Variants in SOS1 observed in about 807,000 individuals in gnomAD.
SOS1 encodes SOS Ras/Rac guanine nucleotide exchange factor 1.
Under a neutral mutation model 157.6 loss-of-function variants are expected in SOS1, and 25 were observed. The ratio of observed to expected loss-of-function variants is 0.16; its 90% confidence interval spans 0.12 to 0.22. SOS1 has a LOEUF of 0.22. SOS1 is among the 10% of genes least tolerant of loss of function. The pLI, the probability that SOS1 is intolerant of heterozygous loss-of-function variation, is 1.00. For synonymous variants in SOS1, 528 were observed against 534.0 expected (o/e 0.99, Z 0.16); for missense variants, 1,237 against 1,599.1 (o/e 0.77, Z 3.86).
chr2:39,093,426 T>C (rs2148191502), intron 1 of SOS1, among the ~76,000 whole-genome samples: 1 of 151,350 alleles, frequency 6.6e-6, no homozygotes, highest in Admixed American at 6.6e-5. Flanking sequence ...CATAAGAGGG[T>C]CAGAGTCCGA....
chr2:39,029,158 T>C (rs1209151308), intron 8 of SOS1, among the ~76,000 whole-genome samples: 1 of 152,212 alleles, frequency 6.6e-6, no homozygotes, highest in African/African-American at 2.4e-5. Flanking sequence ...GTGGAGAAGA[T>C]GAAATTCTTA....
intron 1 of SOS1, among the ~76,000 whole-genome samples, chr2:39,070,883 G>A (rs1671770573): frequency 6.6e-6 from 1 of 152,136 alleles, no homozygotes; most frequent in Non-Finnish European, 1.5e-5. Flanking sequence ...GTTTATTTGA[G>A]ATGGAGTCTC....
intron 2 of SOS1, among the ~76,000 whole-genome samples, chr2:39,063,363 T>C (rs1183666400): frequency 6.6e-6 from 1 of 152,182 alleles, no homozygotes; most frequent in African/African-American, 2.4e-5. Context: ...TCATTAGTTA[T>C]ATGCAAATAC....
chr2:38,986,036 G>T lies in SOS1; in HGVS notation c.3790C>A (p.Pro1264Thr). 1.2e-6 allele frequency: 2 copies of T among 1,613,998 alleles called. No individual in the cohort carries two copies. Among genetic ancestry groups the T allele is most frequent in the Non-Finnish European group, 1.7e-6 (2 of 1,179,914 alleles). ...SPFTPPPPQTPSPHGTRRHLP... is the reference protein window; with the variant it reads ...SPFTPPPPQTTSPHGTRRHLP... ...TGCCTTCTTGTGCCGTGAGGAGAAG[G>T]TGTTTGAGGAGGAGGTGGTGTAAAG... is the stretch of plus-strand genomic sequence containing the variant. The change falls in exon 23 of 23, where the codon CCT becomes ACT. Residue 1264 changes from proline (P) to threonine (T), a missense_variant. Pro to Thr is a conservative substitution (Grantham distance 38, BLOSUM62 -1). Coordinates refer to ENST00000402219, the MANE Select transcript of SOS1 (RefSeq NM_005633.4).
At chr2:39,041,592 C>A (rs1275077210) in intron 6 of SOS1, among the ~76,000 whole-genome samples, 1 of 152,148 alleles carries the variant, frequency 6.6e-6, no homozygotes, top group African/African-American at 2.4e-5. Context: ...ATCTAAGCAT[C>A]CTTTGCCAAA....
intron 5 of SOS1, among the ~76,000 whole-genome samples, chr2:39,052,379 T>C (rs940512850): frequency 6.6e-6 from 1 of 152,206 alleles, no homozygotes; most frequent in African/African-American, 2.4e-5. Context: ...TTTTGTGTAG[T>C]TATTCACCCT....
intron 1 of SOS1, among the ~76,000 whole-genome samples, chr2:39,108,938 T>C (rs1039753004): frequency 1.3e-5 from 2 of 151,716 alleles, no homozygotes; most frequent in East Asian, 1.9e-4. Flanking sequence ...GTGGCTCACA[T>C]ATGTAATCCC....
intron 1 of SOS1, among the ~76,000 whole-genome samples, chr2:39,115,020 A>G (rs1387381450): frequency 2.0e-5 from 3 of 151,810 alleles, no homozygotes; most frequent in Non-Finnish European, 4.4e-5. Context: ...CTCCCTATAC[A>G]CTATTTCCCA....
intron 20 of SOS1, among the ~76,000 whole-genome samples, chr2:38,994,607 T>C (rs1229693810): frequency 1.3e-5 from 2 of 152,186 alleles, no homozygotes; most frequent in Non-Finnish European, 2.9e-5. Flanking sequence ...ACATCATACT[T>C]ACTGGTTTAG....
chr2:39,104,952 A>C (rs2168043), intron 1 of SOS1, among the ~76,000 whole-genome samples: 107,653 of 152,094 alleles, frequency 0.71, 41,438 homozygotes, highest in Non-Finnish European at 0.85. Context: ...TTGTGAATGT[A>C]ATTAATGGCC....
At chr2:38,989,842 CAT>C (rs1414958129) in intron 20 of SOS1, among the ~76,000 whole-genome samples, 1 of 151,918 alleles carries the variant, frequency 6.6e-6, no homozygotes, top group East Asian at 1.9e-4. Flanking sequence ...CTTTTATAGT[CAT>C]AAACATTTTT....
intron 1 of SOS1, among the ~76,000 whole-genome samples, chr2:39,109,288 T>A (rs1157828884): frequency 6.6e-6 from 1 of 152,240 alleles, no homozygotes; most frequent in East Asian, 1.9e-4. Flanking sequence ...GTCTCCTAGC[T>A]TCTCATTGCC....
chr2:39,022,382 A>C, intron 10 of SOS1, 188 bp downstream of exon 10: 2 of 594,696 alleles, frequency 3.4e-6, no homozygotes, highest in Non-Finnish European at 3.0e-6. Flanking sequence ...AGGTTAAAAA[A>C]AAGTATTTAA....
intron 6 of SOS1, among the ~76,000 whole-genome samples, chr2:39,046,722 T>C (rs745892958): frequency 2.6e-4 from 40 of 152,200 alleles, no homozygotes; most frequent in Middle Eastern, 6.8e-3. Context: ...AGGCTGGTCT[T>C]GAACTCCTGA....
chr2:39,084,154 GA>G (rs1672296515), intron 1 of SOS1, among the ~76,000 whole-genome samples: 1 of 152,084 alleles, frequency 6.6e-6, no homozygotes, highest in Admixed American at 6.6e-5. Context: ...AAAACTATGA[GA>G]AAACTAATTT....
chr2:39,100,178 G>C (rs772454709), intron 1 of SOS1, among the ~76,000 whole-genome samples: 13 of 152,214 alleles, frequency 8.5e-5, no homozygotes, highest in Non-Finnish European at 1.5e-4. Flanking sequence ...AAGTGTTGGT[G>C]AGGGTGTGGA....
At chr2:39,044,860 G>GCA (rs1203349999) in intron 6 of SOS1, among the ~76,000 whole-genome samples, 18 of 24,674 alleles carry the variant, frequency 7.3e-4, no homozygotes, top group African/African-American at 2.6e-3. Context: ...ATGCGCGCGC[G>GCA]CGCGCACACA....
chr2:38,994,752 A>T (rs1668839109), intron 20 of SOS1, among the ~76,000 whole-genome samples: 1 of 152,210 alleles, frequency 6.6e-6, no homozygotes, highest in Non-Finnish European at 1.5e-5. Context: ...CCTGTATAAT[A>T]ATTTTGGAGC....
chr2:39,099,491 A>G (rs1014532961), intron 1 of SOS1, among the ~76,000 whole-genome samples: 3 of 152,202 alleles, frequency 2.0e-5, no homozygotes, highest in Non-Finnish European at 2.9e-5. Flanking sequence ...TGAGGTGATG[A>G]AAATGATTTA....
Sources: allele counts gnomAD v4.1 joint callset (sites outside exome capture counted in the v4.1 genomes callset), GRCh38; gene constraint gnomAD v4.1.1; transcripts MANE v1.5; gene names NCBI Gene and HGNC (gene_info 2026-07-23, HGNC 2026-07-21).